The following AHCY variants were observed in gnomAD, a reference collection of about 807,000 sequenced individuals.
The protein encoded by AHCY is S-adenosyl-L-homocysteine hydrolase.
Under a neutral mutation model 45.4 loss-of-function variants are expected in AHCY, and 24 were observed. The ratio of observed to expected loss-of-function variants is 0.53; its 90% CI spans 0.38 to 0.74. The LOEUF is 0.74. Ranked by LOEUF, AHCY falls within the 30% of genes least tolerant of loss-of-function variation. AHCY has a pLI of 0.00. For synonymous variants in AHCY, 245 were observed against 235.1 expected (o/e 1.04, Z -0.39); for missense variants, 449 against 594.1 (o/e 0.76, Z 2.54).
chr20:34,285,360 T>C, intron 9 of AHCY, 80 bp downstream of exon 9: 8 of 1,539,372 alleles, frequency 5.2e-6, no homozygotes, highest in Non-Finnish European at 7.2e-6. Context: ...GCAAGCACTT[T>C]ATAAACTCTG....
chr20:34,268,905 C>G, the AHCY span: 116 of 1,513,614 alleles, frequency 7.7e-5, no homozygotes, highest in Non-Finnish European at 8.9e-6. Flanking sequence ...TCCGGGATCT[C>G]CCTAGCCCGA....
chr20:34,285,821 C>T (rs766264305), intron 8 of AHCY, among the ~76,000 whole-genome samples, 187 bp from the exon 9 acceptor site: 1 of 152,182 alleles, frequency 6.6e-6, no homozygotes, highest in East Asian at 1.9e-4. Context: ...TTGAGCTGGC[C>T]GGGGCACGGT....
At chr20:34,260,937 T>C in the AHCY span, among the ~76,000 whole-genome samples, 2 of 152,088 alleles carry the variant, frequency 1.3e-5, no homozygotes, top group East Asian at 1.9e-4. Flanking sequence ...GGGGAAAATA[T>C]GAGGGGCACT....
chr20:34,271,880 T>C, the AHCY span, among the ~76,000 whole-genome samples: 39 of 152,272 alleles, frequency 2.6e-4, 1 homozygote, highest in South Asian at 4.6e-3. Context: ...CAAGTCACTT[T>C]TGATGCTACC....
intron 9 of AHCY, 125 bp from the exon 10 acceptor site, chr20:34,281,290 CTCTT>C (rs1336069454): frequency 1.4e-6 from 2 of 1,429,278 alleles, no homozygotes; most frequent in Non-Finnish European, 1.9e-6. Context: ...CTCATGTTAA[CTCTT>C]TCTATCCTCA....
the AHCY span, chr20:34,269,008 G>T: frequency 2.5e-6 from 4 of 1,607,730 alleles, no homozygotes; most frequent in Middle Eastern, 1.7e-4. Flanking sequence ...CTTCGATGAA[G>T]AAAGTGGTGC....
At chr20:34,304,145 A>G (rs1328207943), upstream of AHCY, among the ~76,000 whole-genome samples, 1 of 152,250 alleles carries the variant, frequency 6.6e-6, no homozygotes, top group Non-Finnish European at 1.5e-5. Flanking sequence ...ATATCATTAA[A>G]TAGTTCTGTG....
At chr20:34,295,147 A>G (rs1308920899) in intron 2 of AHCY, 2 of 600,360 alleles carry the variant, frequency 3.3e-6, no homozygotes, top group East Asian at 5.8e-5. Flanking sequence ...CTGCCAGAGC[A>G]TCCATCAGGA....
At chr20:34,233,204 A>G in the AHCY span, among the ~76,000 whole-genome samples, 1 of 145,256 alleles carries the variant, frequency 6.9e-6, no homozygotes, top group Non-Finnish European at 1.5e-5. Context: ...CTGGAGTACA[A>G]TGGTGTGATC....
downstream of AHCY, among the ~76,000 whole-genome samples, chr20:34,278,950 A>C (rs530962595): frequency 6.6e-6 from 1 of 151,588 alleles, no homozygotes; most frequent in Admixed American, 6.6e-5. Context: ...CTCTACTACA[A>C]ATACAAAAAT....
chr20:34,247,319 G>C, the AHCY span, among the ~76,000 whole-genome samples: 1 of 46,022 alleles, frequency 2.2e-5, no homozygotes, highest in African/African-American at 8.5e-5. Flanking sequence ...TTTTTTTTTT[G>C]AGACAGAGTC....
chr20:34,267,459 C>CAAAAAAAAAAA, the AHCY span, among the ~76,000 whole-genome samples: 1 of 46,280 alleles, frequency 2.2e-5, no homozygotes, highest in Non-Finnish European at 4.4e-5. Flanking sequence ...AACTGGCTCT[C>CAAAAAAAAAAA]AAAAAAAAAA....
chr20:34,239,128 C>T, the AHCY span, among the ~76,000 whole-genome samples: 1 of 152,140 alleles, frequency 6.6e-6, no homozygotes, highest in Admixed American at 6.5e-5. Context: ...GCTTTCTTTC[C>T]CTGCTTTTTC....
chr20:34,286,790 C>T (rs1348019870), intron 8 of AHCY, among the ~76,000 whole-genome samples: 15 of 143,554 alleles, frequency 1.0e-4, no homozygotes, highest in African/African-American at 3.9e-4. Context: ...GCCAAGATCG[C>T]GCCATTGCAC....
At chr20:34,247,940 A>G in the AHCY span, among the ~76,000 whole-genome samples, 2 of 152,284 alleles carry the variant, frequency 1.3e-5, no homozygotes, top group South Asian at 4.1e-4. Context: ...GCGCAGTGGC[A>G]CATGCGTGTA....
chr20:34,234,943 A>C, the AHCY span: 9 of 152,190 alleles, frequency 5.9e-5, no homozygotes, highest in South Asian at 4.1e-4. Flanking sequence ...ATTTGATTTA[A>C]TCTTGTGTTG....
At chr20:34,257,904 G>A in the AHCY span, among the ~76,000 whole-genome samples, 5 of 152,322 alleles carry the variant, frequency 3.3e-5, no homozygotes, top group African/African-American at 9.6e-5. Context: ...AGCACTTTGG[G>A]AAGCCAAGGC....
At chr20:34,307,120 CTTTT>C (rs61016665), upstream of AHCY, among the ~76,000 whole-genome samples, 16 of 143,010 alleles carry the variant, frequency 1.1e-4, no homozygotes, top group Admixed American at 2.1e-4. Flanking sequence ...TTTTCTTTTT[CTTTT>C]TTTTTTTTTT....
the AHCY span, among the ~76,000 whole-genome samples, chr20:34,237,573 A>G: frequency 1.3e-5 from 2 of 152,194 alleles, no homozygotes; most frequent in East Asian, 1.9e-4. Flanking sequence ...GCTTTTCTAC[A>G]TTTAAGATCA....
Sources: allele counts gnomAD v4.1 joint callset (sites outside exome capture counted in the v4.1 genomes callset), GRCh38; gene constraint gnomAD v4.1.1; transcripts MANE v1.5; gene names NCBI Gene and HGNC (gene_info 2026-07-23, HGNC 2026-07-21).